HK1: variants seen among roughly 807,000 people sequenced by gnomAD.
HK1 encodes hexokinase 1, also known as hexokinase-1.
In HK1, 28 loss-of-function variants were observed where a neutral mutation model predicts 91.6. That is an observed-to-expected ratio of 0.31 (90% CI 0.23 to 0.42). HK1 has a LOEUF of 0.42. Among genes scored for constraint, HK1 ranks in the 10% least tolerant of loss-of-function variants. The pLI is 1.00. For synonymous variants in HK1, 430 were observed against 468.1 expected (o/e 0.92, Z 1.05); for missense variants, 770 against 1,219.8 (o/e 0.63, Z 5.49).
chr10:69,394,826 G>T, intron 15 of HK1, 124 bp from the exon 16 acceptor site: 1 of 934,634 alleles, frequency 1.1e-6, no homozygotes, highest in Non-Finnish European at 1.7e-6. Flanking sequence ...CACAGGGCTG[G>T]GCACATGGCT....
chr10:69,348,688 G>A (rs1215720461), intron 2 of HK1, among the ~76,000 whole-genome samples: 1 of 152,120 alleles, frequency 6.6e-6, no homozygotes, highest in Non-Finnish European at 1.5e-5. Context: ...GCCGGTGCCT[G>A]TAATCCCAGC....
intron 15 of HK1, among the ~76,000 whole-genome samples, chr10:69,392,976 G>GT (rs1250595635): frequency 5.9e-5 from 9 of 152,190 alleles, no homozygotes; most frequent in African/African-American, 1.9e-4. Flanking sequence ...TCAGCTTACA[G>GT]TTTTTTGTTT....
upstream of HK1, among the ~76,000 whole-genome samples, chr10:69,312,567 T>G (rs1409983850): frequency 6.6e-6 from 1 of 151,464 alleles, no homozygotes; most frequent in Admixed American, 6.6e-5. Flanking sequence ...TTTCTGAAGC[T>G]GGTAAGGAGA....
At chr10:69,385,448 C>T (rs1379919885) in intron 12 of HK1, among the ~76,000 whole-genome samples, 1 of 152,222 alleles carries the variant, frequency 6.6e-6, no homozygotes, top group Non-Finnish European at 1.5e-5. Context: ...AGGCCACAGT[C>T]TAGTGGGGGA....
chr10:69,331,343 T>C (rs754812989), intron 1 of HK1, among the ~76,000 whole-genome samples: 23 of 152,242 alleles, frequency 1.5e-4, no homozygotes. Flanking sequence ...TTTCAGCTAC[T>C]GCGTGTTCTA....
chr10:69,337,733 C>T (rs1020648836), intron 1 of HK1, among the ~76,000 whole-genome samples: 1 of 152,304 alleles, frequency 6.6e-6, no homozygotes, highest in South Asian at 2.1e-4. Flanking sequence ...TAAAGGCCTG[C>T]GTCAGCAGCT....
intron 4 of HK1, 145 bp downstream of exon 4, chr10:69,365,047 G>A: frequency 1.2e-6 from 1 of 841,476 alleles, no homozygotes; most frequent in South Asian, 1.6e-5. Context: ...AGAAGTTAGT[G>A]TGGTATCATG....
intron 2 of HK1, among the ~76,000 whole-genome samples, chr10:69,284,562 C>T (rs1204324370): frequency 6.6e-6 from 1 of 152,148 alleles, no homozygotes; most frequent in East Asian, 1.9e-4. Flanking sequence ...TCGTGTAATC[C>T]CAGCACTTCG....
At chr10:69,389,350 C>G in intron 14 of HK1, 54 bp downstream of exon 14, 1 of 1,345,288 alleles carries the variant, frequency 7.4e-7, no homozygotes, top group Admixed American at 2.0e-5. Context: ...GGGGTTTCCC[C>G]GTTTTGTGGG....
rs1013881631 is a variant in HK1, at chr10:69,359,904, A to G, written c.234A>G (p.Gly78=). The change falls in exon 3 of 18, where the codon GGA becomes GGG. Residue 78 remains glycine, a synonymous_variant. Coordinates refer to ENST00000359426, the MANE Select transcript of HK1 (RefSeq NM_000188.3). Reference sequence around the variant, plus strand: ...TGTTGTCTCCCTAAACAGAAAAGGGAGATTTCATTGCCCTGGATCTTGGTG... The same window carrying G: ...TGTTGTCTCCCTAAACAGAAAAGGGGGATTTCATTGCCCTGGATCTTGGTG... The part of the protein sequence containing the change: ...VRSIPDGSEK[G]DFIALDLGGS... 1.1e-5 allele frequency: 18 copies of G among 1,613,962 alleles called. No homozygotes were observed. The highest frequency in any genetic ancestry group is 1.4e-5 in the Non-Finnish European group (16 of 1,179,964).
intron 2 of HK1, among the ~76,000 whole-genome samples, chr10:69,358,742 A>C (rs1476878739): frequency 6.6e-6 from 1 of 152,154 alleles, no homozygotes; most frequent in Non-Finnish European, 1.5e-5. Flanking sequence ...GGATGCCTGT[A>C]ATCCCAGCTA....
intron 4 of HK1, among the ~76,000 whole-genome samples, chr10:69,368,140 C>T (rs889281414): frequency 2.0e-5 from 3 of 152,206 alleles, no homozygotes; most frequent in Admixed American, 6.5e-5. Flanking sequence ...TTTCCCAGGG[C>T]TGTGGAAGCC....
chr10:69,361,403 C>T (rs1849411047), intron 3 of HK1, among the ~76,000 whole-genome samples: 1 of 152,236 alleles, frequency 6.6e-6, no homozygotes, highest in Non-Finnish European at 1.5e-5. Context: ...CATTGCTTCT[C>T]CTTGCAGGTG....
At chr10:69,319,580 A>G (rs1305716502) in intron 1 of HK1, among the ~76,000 whole-genome samples, 1 of 152,266 alleles carries the variant, frequency 6.6e-6, no homozygotes, top group Non-Finnish European at 1.5e-5. Context: ...CGGCGAGGCC[A>G]CCGGAAACTT....
At chr10:69,399,386 C>CCTGTAGTCCCAG (rs1564574238) in intron 17 of HK1, among the ~76,000 whole-genome samples, 1 of 152,102 alleles carries the variant, frequency 6.6e-6, no homozygotes, top group Admixed American at 6.5e-5. Context: ...GTGGTGAATG[C>CCTGTAGTCCCAG]CTGTAGTCCC....
chr10:69,392,131 G>T lies in HK1; in HGVS notation c.2042G>T (p.Gly681Val). 3.7e-6 allele frequency: 6 copies of T among 1,614,160 alleles called. No homozygotes were observed. Among genetic ancestry groups the T allele is most frequent in the Non-Finnish European group, 5.1e-6 (6 of 1,180,032 alleles). The change falls in exon 15 of 18, where the codon GGC becomes GTC. Residue 681 changes from glycine (G) to valine (V), a missense_variant. By Grantham distance (109) the Gly-to-Val change is moderately radical (BLOSUM62 -3). Transcript: ENST00000359426. The stretch of plus-strand genomic sequence containing the variant: ...GCCCCCTCGTGTGTTCCAGGGACCG[G>T]CAGCAATGCCTGCTACATGGAGGAG... The part of the protein sequence containing the change: ...TCEVGLIVGT[G>V]SNACYMEEMK...
chr10:69,346,498 CT>C lies in HK1; in HGVS notation c.226+2515del, dbSNP rs1386618917. Among the ~76,000 whole-genome samples the C allele has an allele frequency of 4.0e-5, 6 of 151,834 alleles. No individual in the cohort carries two copies. The East Asian group carries it at 9.7e-4, about 25-fold the overall frequency. ...CAGCCCATTTTTAATTAGTTTCTTT[CT>C]TTTTTGGTCATTTTTTTTTTAATGG... On this transcript the variant is annotated intron_variant, in intron 2 of 17. Coordinates refer to ENST00000359426, the MANE Select transcript of HK1 (RefSeq NM_000188.3).
At chr10:69,275,203 TA>T (rs58235938) in intron 1 of HK1, among the ~76,000 whole-genome samples, 2,211 of 126,324 alleles carry the variant, frequency 0.018, 59 homozygotes, top group African/African-American at 0.056. Flanking sequence ...CATGAGTTAT[TA>T]AAAAAAAAAA....
In HK1 at chr10:69,360,035, G is replaced by T; in HGVS notation, c.365G>T (p.Ser122Ile). The change falls in exon 3 of 18, where the codon AGT becomes ATT. Residue 122 changes from serine to isoleucine, a missense_variant. Transcript: ENST00000359426. ...ACCCCAGAGAACATCGTGCACGGCA[G>T]TGGAAGCCAGGTGGGTCCCTGCTCC... ...YDTPENIVHG[S>I]GSQLFDHVAE... The T allele has an allele frequency of 1.2e-6, 2 of 1,614,046 alleles. No homozygotes were observed. Among genetic ancestry groups the T allele is most frequent in the Non-Finnish European group, 1.7e-6 (2 of 1,179,998 alleles).
Sources: allele counts gnomAD v4.1 joint callset (sites outside exome capture counted in the v4.1 genomes callset), GRCh38; gene constraint gnomAD v4.1.1; transcripts MANE v1.5; gene names NCBI Gene and HGNC (gene_info 2026-07-23, HGNC 2026-07-21).